Variants in BCKDHB observed in about 807,000 individuals in gnomAD.
BCKDHB encodes 2-oxoisovalerate dehydrogenase subunit beta, mitochondrial.
BCKDHB carries 41 observed loss-of-function variants against 48.5 expected under a neutral mutation model. The observed-to-expected ratio is 0.85, with a 90% CI of 0.66 to 1.10. The LOEUF (loss-of-function observed/expected upper bound fraction) is 1.10. BCKDHB is among the 50% of genes least tolerant of loss of function. The probability of loss-of-function intolerance (pLI) is 0.00; values close to 1 mark genes in which losing one functional copy is unlikely to be tolerated. For missense variants in BCKDHB, 496 were observed against 494.2 expected (o/e 1.00, Z -0.03); for synonymous variants, 201 against 174.8 (o/e 1.15, Z -1.18).
the BCKDHB span, among the ~76,000 whole-genome samples, chr6:80,398,999 G>T: frequency 1.3e-5 from 2 of 151,866 alleles, no homozygotes; most frequent in Non-Finnish European, 2.9e-5. Context: ...AGAACTAGAG[G>T]CAAAACCATA....
chr6:80,307,489 T>C, intron 9 of BCKDHB: 5 of 985,132 alleles, frequency 5.1e-6, no homozygotes, highest in Non-Finnish European at 4.8e-6. Context: ...TTTTCAGATA[T>C]ACCCCCATGA....
At chr6:80,234,268 T>A (rs1776054062) in intron 8 of BCKDHB, among the ~76,000 whole-genome samples, 1 of 152,306 alleles carries the variant, frequency 6.6e-6, no homozygotes, top group Non-Finnish European at 1.5e-5. Context: ...GTCTCCTGCC[T>A]TATTATTCCA....
the BCKDHB span, chr6:80,356,739 T>G: frequency 6.6e-6 from 1 of 152,170 alleles, no homozygotes; most frequent in Non-Finnish European, 1.5e-5. Flanking sequence ...TATTAAGTAT[T>G]GCATAATCTT....
intron 8 of BCKDHB, among the ~76,000 whole-genome samples, chr6:80,216,761 G>C (rs978871357): frequency 3.3e-5 from 5 of 152,058 alleles, no homozygotes; most frequent in African/African-American, 4.8e-5. Context: ...CTTTGATGGC[G>C]TTTAACTCTC....
intron 3 of BCKDHB, among the ~76,000 whole-genome samples, chr6:80,143,785 A>T (rs1485218910): frequency 6.6e-6 from 1 of 152,096 alleles, no homozygotes; most frequent in African/African-American, 2.4e-5. Flanking sequence ...TCCCCTCTAG[A>T]TCCTCTGGCC....
At position 80,171,266 on chromosome 6, in the gene BCKDHB, A is replaced by C. The variant is rs896856334; in HGVS notation, c.634-16A>C. The stretch of plus-strand genomic sequence containing the variant: ...TATTTTTACTAAAATTGTCTTAAAA[A>C]AATCTGTTTTTGCAGGTGGTTATAC... On this transcript the variant is annotated splice_polypyrimidine_tract_variant and intron_variant, in intron 5 of 9. Transcript: ENST00000320393. 1 of 1,537,982 alleles carries C rather than the reference A, an allele frequency of 6.5e-7. No homozygotes were observed. The highest frequency in any genetic ancestry group is 1.4e-5 in the African/African-American group (1 of 73,354).
chr6:80,421,490 A>G, the BCKDHB span, among the ~76,000 whole-genome samples: 3 of 152,186 alleles, frequency 2.0e-5, no homozygotes, highest in Admixed American at 2.0e-4. Context: ...GGTTGGAACA[A>G]TCTTGACGGC....
At chr6:80,270,729 A>G (rs1486604566) in intron 8 of BCKDHB, among the ~76,000 whole-genome samples, 1 of 152,038 alleles carries the variant, frequency 6.6e-6, no homozygotes, top group African/African-American at 2.4e-5. Flanking sequence ...CCAAGTGATG[A>G]GCTGGATATG....
chr6:80,431,673 G>T, the BCKDHB span, among the ~76,000 whole-genome samples: 1 of 152,050 alleles, frequency 6.6e-6, no homozygotes. Context: ...CCATTTGCCT[G>T]GTAAATATTA....
intron 8 of BCKDHB, among the ~76,000 whole-genome samples, chr6:80,228,717 T>C (rs1775782503): frequency 6.6e-6 from 1 of 152,174 alleles, no homozygotes; most frequent in African/African-American, 2.4e-5. Context: ...CCTTTGGTGC[T>C]TGTACTACTC....
chr6:80,413,585 A>G, the BCKDHB span, among the ~76,000 whole-genome samples: 398 of 152,330 alleles, frequency 2.6e-3, 4 homozygotes, highest in African/African-American at 9.1e-3. Context: ...TTTGCTAAGG[A>G]TAATGGCATC....
the BCKDHB span, among the ~76,000 whole-genome samples, chr6:80,457,164 G>C: frequency 6.6e-6 from 1 of 152,184 alleles, no homozygotes; most frequent in Non-Finnish European, 1.5e-5. Context: ...AAATGAAATA[G>C]GAAGTAACCT....
At chr6:80,232,130 A>T (rs1197159957) in intron 8 of BCKDHB, among the ~76,000 whole-genome samples, 1 of 152,232 alleles carries the variant, frequency 6.6e-6, no homozygotes, top group African/African-American at 2.4e-5. Flanking sequence ...GAATTAAAGT[A>T]TAGGGATATT....
chr6:80,272,478 C>A (rs1361796184), intron 8 of BCKDHB, among the ~76,000 whole-genome samples: 1 of 152,122 alleles, frequency 6.6e-6, no homozygotes, highest in Non-Finnish European at 1.5e-5. Flanking sequence ...CATTGCTATA[C>A]TTTTTTATTT....
intron 8 of BCKDHB, among the ~76,000 whole-genome samples, chr6:80,214,928 A>G (rs9343974): frequency 0.44 from 66,199 of 152,076 alleles, 16,028 homozygotes; most frequent in East Asian, 0.7. Flanking sequence ...ACAAGGATAT[A>G]TGGGTTTAAA....
At chr6:80,106,920 C>T (rs1769099624) in intron 1 of BCKDHB, 31 bp downstream of exon 1, 2 of 1,579,984 alleles carry the variant, frequency 1.3e-6, no homozygotes, top group Non-Finnish European at 1.7e-6. Flanking sequence ...CTCGGTCCCG[C>T]TGCAGCCCGG....
At chr6:80,329,899 A>G (rs1448911553) in intron 9 of BCKDHB, among the ~76,000 whole-genome samples, 2 of 152,168 alleles carry the variant, frequency 1.3e-5, no homozygotes, top group African/African-American at 4.8e-5. Flanking sequence ...CAACTAAAAC[A>G]TAAAACTCTA....
intron 8 of BCKDHB, among the ~76,000 whole-genome samples, chr6:80,241,642 A>G (rs1374366245): frequency 2.0e-5 from 3 of 152,210 alleles, no homozygotes; most frequent in Non-Finnish European, 2.9e-5. Flanking sequence ...CTTTATGTAT[A>G]TAGGCAATAT....
the BCKDHB span, among the ~76,000 whole-genome samples, chr6:80,434,820 CA>C: frequency 6.6e-6 from 1 of 152,164 alleles, no homozygotes; most frequent in Admixed American, 6.5e-5. Flanking sequence ...ATTTGAGCTC[CA>C]CGACTTGTTC....
Sources: gnomAD v4.1 joint callset for allele counts (sites outside exome capture counted in the v4.1 genomes callset) on GRCh38, gnomAD v4.1.1 for gene constraint, MANE v1.5 for transcripts, NCBI Gene and HGNC (gene_info 2026-07-23, HGNC 2026-07-21) for gene names.